Variants in DPP6 observed in about 807,000 individuals in gnomAD.
DPP6 encodes the protein A-type potassium channel modulatory protein DPP6.
A neutral mutation model predicts 122.6 loss-of-function variants in DPP6; 69 were observed. That is an observed-to-expected ratio of 0.56 (90% CI 0.46 to 0.69). DPP6 has a LOEUF of 0.69. Ranked by LOEUF, DPP6 falls within the 30% of genes least tolerant of loss-of-function variation. DPP6 has a pLI of 0.00. For synonymous variants in DPP6, 418 were observed against 433.1 expected (o/e 0.97, Z 0.43); for missense variants, 928 against 1,116.9 (o/e 0.83, Z 2.41).
At chr7:154,202,572 C>T (rs951695941) in intron 1 of DPP6, among the ~76,000 whole-genome samples, 1 of 152,204 alleles carries the variant, frequency 6.6e-6, no homozygotes, top group Non-Finnish European at 1.5e-5. Flanking sequence ...CTCCATCCTT[C>T]TGCCCCTTTC....
chr7:154,551,044 C>G (rs1032391597), intron 4 of DPP6, among the ~76,000 whole-genome samples: 24 of 151,950 alleles, frequency 1.6e-4, no homozygotes, highest in African/African-American at 5.8e-4. Flanking sequence ...TTTTTTTGCC[C>G]CTATGGGTAA....
intron 8 of DPP6, among the ~76,000 whole-genome samples, chr7:154,749,504 C>A: frequency 7.3e-6 from 1 of 137,256 alleles, no homozygotes. Context: ...GGGATGGAGG[C>A]TTTACTGAGA....
intron 1 of DPP6, among the ~76,000 whole-genome samples, chr7:154,172,490 A>G (rs897682540): frequency 6.6e-6 from 1 of 152,146 alleles, no homozygotes. Flanking sequence ...ACATGAACCA[A>G]AACTTTCAAT....
intron 1 of DPP6, among the ~76,000 whole-genome samples, chr7:153,900,853 C>T (rs1799614955): frequency 6.6e-6 from 1 of 152,138 alleles, no homozygotes; most frequent in South Asian, 2.1e-4. Flanking sequence ...CAAGCTGTGG[C>T]CCCAAAATAA....
chr7:154,218,649 TAGG>T (rs1279084547), intron 1 of DPP6, among the ~76,000 whole-genome samples: 9 of 152,226 alleles, frequency 5.9e-5, no homozygotes, highest in African/African-American at 1.9e-4. Flanking sequence ...TAAGACATGG[TAGG>T]AGATGATTCA....
At chr7:154,062,888 A>C (rs1477198571) in intron 1 of DPP6, among the ~76,000 whole-genome samples, 2 of 132,512 alleles carry the variant, frequency 1.5e-5, no homozygotes, top group East Asian at 2.2e-4. Flanking sequence ...CCCATCGTTG[A>C]TCCTAAGATC....
At chr7:153,831,998 G>A in the DPP6 span, among the ~76,000 whole-genome samples, 2 of 152,222 alleles carry the variant, frequency 1.3e-5, no homozygotes, top group Non-Finnish European at 2.9e-5. Flanking sequence ...TAATAGGCAA[G>A]TGTGGAAGCA....
At chr7:154,451,361 C>CAAAAAAAA (rs397890050) in intron 2 of DPP6, among the ~76,000 whole-genome samples, 104 of 122,102 alleles carry the variant, frequency 8.5e-4, no homozygotes, top group Admixed American at 9.3e-4. Context: ...CCTGTCTCAC[C>CAAAAAAAA]AAAAAAAAAA....
intron 3 of DPP6, among the ~76,000 whole-genome samples, chr7:154,517,398 C>A (rs1032586737): frequency 6.6e-6 from 1 of 152,064 alleles, no homozygotes; most frequent in South Asian, 2.1e-4. Flanking sequence ...GCACCCAGCA[C>A]GGTGTCTGCA....
chr7:154,758,403 G>C (rs1327453902), intron 8 of DPP6, among the ~76,000 whole-genome samples: 2 of 143,048 alleles, frequency 1.4e-5, no homozygotes, highest in African/African-American at 5.3e-5. Flanking sequence ...ACAGAGTCTC[G>C]CTCTGTTGCC....
chr7:154,593,606 A>T (rs1832926533), intron 5 of DPP6, among the ~76,000 whole-genome samples: 2 of 152,214 alleles, frequency 1.3e-5, no homozygotes, highest in Admixed American at 1.3e-4. Flanking sequence ...TCTACATAGG[A>T]TGAAAAAATG....
At chr7:154,494,702 GACGC>G (rs1824574142) in intron 3 of DPP6, among the ~76,000 whole-genome samples, 1 of 152,096 alleles carries the variant, frequency 6.6e-6, no homozygotes, top group Non-Finnish European at 1.5e-5. Context: ...CAAGAGAAAA[GACGC>G]TGAGTACTTT....
Position 154,875,894 on chromosome 7 carries a change from T to C in DPP6, c.1884-12T>C, listed in dbSNP as rs1304350995. ...CGCAGCAGGCCTGCTGAGCCCGGGA[T>C]TCTCTTTCCAGGGATGGCACCCCAG... On this transcript the variant is annotated splice_polypyrimidine_tract_variant and intron_variant, in intron 19 of 25. Transcript: ENST00000377770. The surrounding 1 kb of genome is among the most constrained non-coding windows in gnomAD (Gnocchi z 4.5). 6.2e-7 allele frequency: 1 copy of C among 1,602,634 alleles called. No homozygotes were observed. The highest frequency in any genetic ancestry group is 8.5e-7 in the Non-Finnish European group (1 of 1,175,030).
chr7:154,249,182 A>G (rs1005088161), intron 1 of DPP6, among the ~76,000 whole-genome samples: 6 of 152,236 alleles, frequency 3.9e-5, no homozygotes, highest in African/African-American at 1.4e-4. Context: ...CAGGAAACTA[A>G]TGGGAGTAAA....
chr7:154,805,504 G>A (rs906498368), intron 15 of DPP6, among the ~76,000 whole-genome samples: 2 of 138,924 alleles, frequency 1.4e-5, no homozygotes, highest in South Asian at 4.6e-4. Context: ...AATGAAATTT[G>A]ATTAGAAAAA....
intron 1 of DPP6, among the ~76,000 whole-genome samples, chr7:153,974,122 G>A (rs1177407501): frequency 3.9e-5 from 6 of 152,126 alleles, no homozygotes; most frequent in Non-Finnish European, 7.3e-5. Context: ...ATGAGAATCC[G>A]TGGGCTTTTT....
intron 7 of DPP6, among the ~76,000 whole-genome samples, chr7:154,677,573 C>T (rs1485227611): frequency 1.3e-5 from 2 of 152,192 alleles, no homozygotes; most frequent in East Asian, 1.9e-4. Context: ...GTTAGAGGGA[C>T]GAAAGGGCAG....
chr7:154,392,214 A>G (rs1426354549), intron 1 of DPP6, among the ~76,000 whole-genome samples: 2 of 152,020 alleles, frequency 1.3e-5, no homozygotes, highest in Non-Finnish European at 2.9e-5. Context: ...CGGAGGTTGC[A>G]GTGAGCTGAG....
intron 10 of DPP6, among the ~76,000 whole-genome samples, chr7:154,787,825 T>C (rs1797429726): frequency 6.6e-6 from 1 of 152,222 alleles, no homozygotes; most frequent in South Asian, 2.1e-4. Context: ...TTACCATGTC[T>C]TTTCTCTTAT....
Sources: gnomAD v4.1 joint callset for allele counts (sites outside exome capture counted in the v4.1 genomes callset) on GRCh38, gnomAD v4.1.1 for gene constraint, Gnocchi (gnomAD v3.1) non-coding constraint, MANE v1.5 for transcripts, NCBI Gene and HGNC (gene_info 2026-07-23, HGNC 2026-07-21) for gene names.